The following PCF11 variants were observed in gnomAD, a reference collection of about 807,000 sequenced individuals.
PCF11 encodes PCF11 cleavage and polyadenylation factor subunit, also known as pre-mRNA cleavage complex 2 protein Pcf11.
PCF11 carries 19 observed loss-of-function variants against 166.1 expected under a neutral mutation model. The observed-to-expected ratio is 0.11, with a 90% CI of 0.08 to 0.17. PCF11 has a LOEUF of 0.17. Ranked by LOEUF, PCF11 falls within the 10% of genes least tolerant of loss-of-function variation. The pLI, the probability that PCF11 is intolerant of heterozygous loss-of-function variation, is 1.00. For synonymous variants in PCF11, 663 were observed against 644.1 expected, an observed-to-expected ratio of 1.03 and a Z score of -0.44; for missense variants, 1,565 against 1,855.5, an observed-to-expected ratio of 0.84 and a Z score of 2.88.
In PCF11 at chr11:83,167,867, G is replaced by A; in HGVS notation, c.2092+362G>A. The A allele has an allele frequency of 7.6e-7, 1 of 1,309,684 alleles. No homozygotes were observed. The highest frequency in any genetic ancestry group is 1.0e-6 in the Non-Finnish European group (1 of 1,002,684). The allele number at this position is 1,309,684 out of a possible 1,614,324, so 81.1% of individuals were successfully genotyped here. Reference sequence around the variant, plus strand: ...AGAATCTTTCACCCCATGAGGGCCGGAGAAGACATGACGAGCAAGTCTCTG... The same window carrying A: ...AGAATCTTTCACCCCATGAGGGCCGAAGAAGACATGACGAGCAAGTCTCTG... On this transcript the variant is annotated intron_variant, in intron 7 of 15. Coordinates refer to ENST00000298281, the Ensembl canonical transcript of PCF11. The surrounding 1 kb of genome is among the most constrained non-coding windows in gnomAD (Gnocchi z 4.2).
At chr11:83,179,209 A>AT (rs1230529370) in intron 11 of PCF11, among the ~76,000 whole-genome samples, 2 of 151,266 alleles carry the variant, frequency 1.3e-5, no homozygotes, top group African/African-American at 4.9e-5. Context: ...CAATCATTTT[A>AT]TTTTTTTAAC....
intron 8 of PCF11, chr11:83,171,412 A>G (rs1303048060): frequency 1.4e-5 from 5 of 365,438 alleles, no homozygotes; most frequent in East Asian, 7.7e-5. Flanking sequence ...TGTATAGATC[A>G]TATTGCATTA....
chr11:83,173,050 G>T (rs1255466878), intron 9 of PCF11, among the ~76,000 whole-genome samples: 1 of 152,200 alleles, frequency 6.6e-6, no homozygotes, highest in African/African-American at 2.4e-5. Flanking sequence ...GAGAAGGAAA[G>T]AATTTGGGAT....
intron 9 of PCF11, among the ~76,000 whole-genome samples, chr11:83,173,138 C>T (rs1285625282): frequency 6.6e-6 from 1 of 152,174 alleles, no homozygotes; most frequent in African/African-American, 2.4e-5. Context: ...AGTATCTCCC[C>T]TGAGGTTCAG....
chr11:83,182,562 AAGG>A lies in PCF11; in HGVS notation c.4416+75_4416+77del. On this transcript the variant is annotated intron_variant, in intron 14 of 15. Coordinates refer to ENST00000298281, the Ensembl canonical transcript of PCF11. ...TTGTTGGGTTAACACATTACTTTGA[AAGG>A]AGGCGGTTCATAATAGTTTTTGTTT... 1.8e-5 allele frequency: 14 copies of A among 759,784 alleles called. No individual in the cohort carries two copies. The South Asian group carries it at 2.1e-4, about 11-fold the overall frequency. The allele number at this position is 759,784 out of a possible 1,614,324, so 47.1% of individuals were successfully genotyped here. A position where few individuals can be genotyped will look rare whatever the true frequency, so the allele number is the denominator to read the frequency against.
intron 2 of PCF11, among the ~76,000 whole-genome samples, chr11:83,162,861 G>T (rs1186929496): frequency 6.6e-6 from 1 of 152,014 alleles, no homozygotes; most frequent in Non-Finnish European, 1.5e-5. Flanking sequence ...TGCAACCTCC[G>T]CCTCCCGGAT....
intron 14 of PCF11, 82 bp downstream of exon 14, chr11:83,182,573 T>G: frequency 1.4e-5 from 10 of 699,264 alleles, no homozygotes; most frequent in Non-Finnish European, 2.0e-5. Flanking sequence ...AGGAGGCGGT[T>G]CATAATAGTT....
At chr11:83,182,921 A>AAAT in intron 14 of PCF11, 117 bp from the exon 15 acceptor site, 1 of 719,318 alleles carries the variant, frequency 1.4e-6, no homozygotes, top group Non-Finnish European at 2.4e-6. Flanking sequence ...TTTTGGGACC[A>AAAT]AATAATTTTT....
intron 9 of PCF11, among the ~76,000 whole-genome samples, chr11:83,173,831 G>A (rs1860782888): frequency 7.2e-6 from 1 of 138,552 alleles, no homozygotes; most frequent in African/African-American, 2.7e-5. Flanking sequence ...CTGAATTCAA[G>A]CAGTTCTCCC....
intron 10 of PCF11, among the ~76,000 whole-genome samples, 157 bp from the exon 11 acceptor site, chr11:83,177,554 TAAA>T (rs1860929695): frequency 6.6e-6 from 1 of 152,202 alleles, no homozygotes; most frequent in Non-Finnish European, 1.5e-5. Flanking sequence ...CATATCAAAA[TAAA>T]AAATTGTATT....
chr11:83,185,582 T>C (rs187585115), exon 16 of PCF11: 48 of 152,246 alleles, frequency 3.2e-4, no homozygotes, highest in Non-Finnish European at 1.0e-4. Context: ...TTAACAAATA[T>C]ATTTAAGTAC....
In PCF11 at chr11:83,180,087, AT is replaced by A. The variant is rs1175096699; in HGVS notation, c.3984-902del. The A allele has an allele frequency of 8.4e-3, 1,039 of 124,166 alleles. 5 individuals are homozygous for A. Among genetic ancestry groups the A allele is most frequent in the African/African-American group, 0.025 (826 of 32,676 alleles). The allele number at this position is 124,166 out of a possible 1,614,324, so 7.7% of individuals were successfully genotyped here. ...AGTGTTCTGTTATTTGCTTTATTCT[AT>A]TTTTTTTTTTTTTTTTTTGAGATGG... On this transcript the variant is annotated intron_variant, in intron 11 of 15. Transcript: ENST00000298281.
rs953461846 is a variant in PCF11, at chr11:83,184,980, CAT to C, written c.*89_*90del. On this transcript the variant is annotated 3_prime_UTR_variant, in exon 16 of 16. Transcript: ENST00000298281. ...AAGAATTTTTTTATGTATATATAGA[CAT>C]ATCTATATAAATTGTCTGGCTGAGG... The C allele has an allele frequency of 5.0e-6, 4 of 804,402 alleles. No homozygotes were observed. In the Admixed American group the frequency reaches 1.4e-4, roughly 28 times the overall value. 49.8% of individuals were successfully genotyped at this position (804,402 alleles called of 1,614,324 possible).
chr11:83,175,330 A>G (rs1443939964), intron 9 of PCF11, among the ~76,000 whole-genome samples: 1 of 151,732 alleles, frequency 6.6e-6, no homozygotes, highest in Non-Finnish European at 1.5e-5. Context: ...ACGGGGTTTC[A>G]CCATATTGGC....
chr11:83,163,689 A>G, exon 3 of PCF11: 1 of 1,515,906 alleles, frequency 6.6e-7, no homozygotes, highest in South Asian at 1.2e-5. Context: ...GTGGATGAAA[A>G]TACTAGGAAA....
chr11:83,159,985 G>C (rs889439577), intron 1 of PCF11, among the ~76,000 whole-genome samples: 7 of 152,168 alleles, frequency 4.6e-5, no homozygotes, highest in African/African-American at 1.7e-4. Context: ...ACATGACATG[G>C]TAAGGTAAAG....
chr11:83,181,165 C>A, exon 12 of PCF11: 1 of 1,610,972 alleles, frequency 6.2e-7, no homozygotes, highest in South Asian at 1.1e-5. Context: ...AAAAGTCACT[C>A]ATAGACGTTG....
At chr11:83,175,386 C>T (rs952994849) in intron 9 of PCF11, among the ~76,000 whole-genome samples, 5 of 152,066 alleles carry the variant, frequency 3.3e-5, no homozygotes, top group Non-Finnish European at 5.9e-5. Flanking sequence ...ACCTGCATCA[C>T]CCTCCCAAAG....
At chr11:83,183,148 C>T (rs1861141187) in intron 15 of PCF11, 75 bp downstream of exon 15, 3 of 806,134 alleles carry the variant, frequency 3.7e-6, no homozygotes, top group Admixed American at 6.1e-5. Context: ...TTTTTTGCAT[C>T]AGAGCAATAT....
Sources: allele counts gnomAD v4.1 joint callset (sites outside exome capture counted in the v4.1 genomes callset), GRCh38; gene constraint gnomAD v4.1.1; non-coding constraint Gnocchi (gnomAD v3.1); transcripts MANE v1.5; gene names NCBI Gene and HGNC (gene_info 2026-07-23, HGNC 2026-07-21).